The following ROBO1 variants were observed in gnomAD, a reference collection of about 807,000 sequenced individuals.
The protein encoded by ROBO1 is roundabout guidance receptor 1, also known as roundabout homolog 1.
Under a neutral mutation model 195.9 loss-of-function variants are expected in ROBO1, and 149 were observed. That is an observed-to-expected ratio of 0.76 (90% CI 0.67 to 0.87). ROBO1 has a LOEUF of 0.87. Among genes scored for constraint, ROBO1 ranks in the 40% least tolerant of loss-of-function variants. The probability of loss-of-function intolerance (pLI) is 0.00; values close to 1 mark genes in which losing one functional copy is unlikely to be tolerated. For synonymous variants in ROBO1, 816 were observed against 733.2 expected (o/e 1.11, Z -1.82); for missense variants, 1,933 against 2,068.3 (o/e 0.93, Z 1.27).
At chr3:78,830,017 G>C (rs570340565) in intron 4 of ROBO1, among the ~76,000 whole-genome samples, 10 of 152,228 alleles carry the variant, frequency 6.6e-5, no homozygotes, top group Admixed American at 5.9e-4. Flanking sequence ...AATAGGTGTG[G>C]TGTGGCTGTA....
chr3:78,861,969 T>C (rs7620072), intron 4 of ROBO1, among the ~76,000 whole-genome samples: 2 of 152,134 alleles, frequency 1.3e-5, no homozygotes, highest in Non-Finnish European at 1.5e-5. Flanking sequence ...ACAGACCAGC[T>C]CTCCAAAGAT....
chr3:78,903,095 C>G (rs1222061213), intron 4 of ROBO1, among the ~76,000 whole-genome samples: 1 of 152,088 alleles, frequency 6.6e-6, no homozygotes, highest in Non-Finnish European at 1.5e-5. Flanking sequence ...AACAGAAACA[C>G]AATTCTCTTC....
At chr3:78,892,817 A>C (rs1000989794) in intron 4 of ROBO1, among the ~76,000 whole-genome samples, 1 of 152,158 alleles carries the variant, frequency 6.6e-6, no homozygotes, top group Non-Finnish European at 1.5e-5. Flanking sequence ...GATTTGCCTG[A>C]TATCATTTAT....
intron 2 of ROBO1, among the ~76,000 whole-genome samples, chr3:79,343,259 G>A (rs930324369): frequency 6.6e-6 from 1 of 152,064 alleles, no homozygotes; most frequent in African/African-American, 2.4e-5. Flanking sequence ...CTTACTGAAT[G>A]ATATCTAGCT....
At chr3:79,361,862 A>C in intron 2 of ROBO1, among the ~76,000 whole-genome samples, 1 of 152,252 alleles carries the variant, frequency 6.6e-6, no homozygotes, top group South Asian at 2.1e-4. Flanking sequence ...ATGCATAATT[A>C]GAAAATTTTA....
Position 79,495,387 on chromosome 3 carries a change from C to T in ROBO1, c.88+94437G>A, listed in dbSNP as rs1171456965. On this transcript the variant is annotated intron_variant, in intron 2 of 30. Transcript: ENST00000464233. ...AAGAATACTTGGGGAATATGTAATTCCTTCTTGAAAAGAACATTTTTGAAA... is the reference window on the plus strand; with the variant it reads ...AAGAATACTTGGGGAATATGTAATTTCTTCTTGAAAAGAACATTTTTGAAA... Among the ~76,000 whole-genome samples, 5 of 152,092 alleles carry T rather than the reference C, an allele frequency of 3.3e-5. No homozygotes were observed. In the East Asian group the frequency reaches 7.7e-4, roughly 24 times the overall value.
intron 2 of ROBO1, among the ~76,000 whole-genome samples, chr3:79,384,186 T>C (rs998613575): frequency 1.3e-5 from 2 of 152,038 alleles, no homozygotes; most frequent in African/African-American, 4.8e-5. Context: ...ATACTTTTAT[T>C]ATTTTGCTTT....
At chr3:79,652,356 T>A (rs1320730346) in intron 1 of ROBO1, among the ~76,000 whole-genome samples, 1 of 152,050 alleles carries the variant, frequency 6.6e-6, no homozygotes, top group Non-Finnish European at 1.5e-5. Context: ...CTTTCTACTA[T>A]TTGCTAGAGG....
chr3:78,809,680 G>C (rs895934897), intron 4 of ROBO1, among the ~76,000 whole-genome samples: 1 of 152,154 alleles, frequency 6.6e-6, no homozygotes, highest in East Asian at 1.9e-4. Context: ...ATGAGTTCAC[G>C]TCCTTTGCAA....
rs138141200 is a variant in ROBO1 at position 79,270,179 on chromosome 3, TTCTCTCTCTCTCTCTCTCTC to T, written c.89-144660_89-144641del. Among the ~76,000 whole-genome samples, 220 of 140,784 alleles carry T rather than the reference TTCTCTCTCTCTCTCTCTCTC, an allele frequency of 1.6e-3. 1 individual carries two copies. The highest frequency in any genetic ancestry group is 5.6e-3 in the African/African-American group (209 of 37,220). The allele number at this position is 140,784 out of a possible 152,430, so 92.4% of individuals were successfully genotyped here. ...ATTTGGATAGTTTACATACATAATG[TTCTCTCTCTCTCTCTCTCTC>T]TCTCTCTCTCTCTCTCTCTCTCACA... is the stretch of plus-strand genomic sequence containing the variant. On this transcript the variant is annotated intron_variant, in intron 2 of 30. Transcript: ENST00000464233.
chr3:79,018,393 AGAC>A (rs1437437295), intron 3 of ROBO1: 3 of 1,613,742 alleles, frequency 1.9e-6, no homozygotes, highest in Non-Finnish European at 2.5e-6. Flanking sequence ...TGAAGAAAGA[AGAC>A]GCGGGGTTAC....
In ROBO1 at chr3:79,329,930, T is replaced by C. The variant is rs537792424; in HGVS notation, c.89-204391A>G. On this transcript the variant is annotated intron_variant, in intron 2 of 30. Coordinates refer to ENST00000464233, the MANE Select transcript of ROBO1 (RefSeq NM_002941.4). ...ATTTCCCCTGTTGGATTCAGATCAC[T>C]GTTCTCTGGACCAGTAAACTCCAGA... Among the ~76,000 whole-genome samples the C allele has an allele frequency of 3.3e-5, 5 of 152,304 alleles. No individual in the cohort carries two copies. In the South Asian group the frequency reaches 1.0e-3, roughly 32 times the overall value.
intron 3 of ROBO1, among the ~76,000 whole-genome samples, chr3:79,041,512 C>G (rs76540350): frequency 6.6e-6 from 1 of 151,504 alleles, no homozygotes; most frequent in African/African-American, 2.4e-5. Context: ...ATGTTCTTTA[C>G]GGGTCTATGC....
At chr3:79,349,327 A>T (rs2035252346) in intron 2 of ROBO1, among the ~76,000 whole-genome samples, 1 of 152,202 alleles carries the variant, frequency 6.6e-6, no homozygotes, top group Non-Finnish European at 1.5e-5. Flanking sequence ...AATAAATAGG[A>T]AAATAACCAT....
Position 78,668,594 on chromosome 3 carries a change from T to A in ROBO1, c.1549-29A>T, listed in dbSNP as rs1367872010. ...AGAAGGCAGACAAAAAATAAATATT[T>A]GGAAAAATCAAGAACTCACTGGGCT... is the stretch of plus-strand genomic sequence containing the variant. On this transcript the variant is annotated intron_variant, in intron 11 of 30. Coordinates refer to ENST00000464233, the MANE Select transcript of ROBO1 (RefSeq NM_002941.4). The A allele has an allele frequency of 1.9e-6, 3 of 1,608,694 alleles. No homozygotes were observed. The African/African-American group carries it at 4.0e-5, about 22-fold the overall frequency.
intron 2 of ROBO1, among the ~76,000 whole-genome samples, chr3:79,575,674 G>GA (rs916077809): frequency 6.0e-5 from 9 of 149,922 alleles, no homozygotes; most frequent in East Asian, 1.9e-4. Flanking sequence ...ATGCCTAAAG[G>GA]AAAAAATGTT....
chr3:79,596,740 C>T (rs573404275), intron 1 of ROBO1, among the ~76,000 whole-genome samples: 10 of 152,054 alleles, frequency 6.6e-5, no homozygotes, highest in East Asian at 3.9e-4. Context: ...ATGTTTCTCA[C>T]GACAATTGCA....
chr3:79,299,693 T>A (rs1463598376), intron 2 of ROBO1, among the ~76,000 whole-genome samples: 1 of 152,152 alleles, frequency 6.6e-6, no homozygotes. Context: ...CAAGACTTTT[T>A]AAAGCGTGTG....
At chr3:78,679,485 G>T (rs1259767144) in intron 10 of ROBO1, among the ~76,000 whole-genome samples, 2 of 152,060 alleles carry the variant, frequency 1.3e-5, no homozygotes, top group Admixed American at 6.5e-5. Flanking sequence ...AAAGTCTCAG[G>T]ATACAAAATC....
Sources: gnomAD v4.1 joint callset for allele counts (sites outside exome capture counted in the v4.1 genomes callset) on GRCh38, gnomAD v4.1.1 for gene constraint, MANE v1.5 for transcripts, NCBI Gene and HGNC (gene_info 2026-07-23, HGNC 2026-07-21) for gene names.